The following PRR16 variants were observed in gnomAD, a reference collection of about 807,000 sequenced individuals.
PRR16 encodes protein Largen.
In PRR16, 6 loss-of-function variants were observed where a neutral mutation model predicts 18.2. That is an observed-to-expected ratio of 0.33 (90% CI 0.18 to 0.65). The LOEUF (loss-of-function observed/expected upper bound fraction) is 0.65. Among genes scored for constraint, PRR16 ranks in the 30% least tolerant of loss-of-function variants. The pLI, the probability that PRR16 is intolerant of heterozygous loss-of-function variation, is 0.74. For synonymous variants in PRR16, 151 were observed against 147.8 expected (o/e 1.02, Z -0.16); for missense variants, 412 against 376.6 (o/e 1.09, Z -0.78).
the PRR16 span, among the ~76,000 whole-genome samples, chr5:120,770,785 C>T: frequency 1.3e-5 from 2 of 152,040 alleles, no homozygotes; most frequent in East Asian, 1.9e-4. Flanking sequence ...ACTAGCTCTC[C>T]CTACTTGCCT....
At chr5:120,728,731 A>C in the PRR16 span, among the ~76,000 whole-genome samples, 13 of 152,176 alleles carry the variant, frequency 8.5e-5, no homozygotes, top group Admixed American at 8.5e-4. Flanking sequence ...AGTAACCTGC[A>C]GTCCAGGCAC....
intron 1 of PRR16, among the ~76,000 whole-genome samples, chr5:120,485,350 A>C (rs1749761367): frequency 6.6e-6 from 1 of 152,200 alleles, no homozygotes; most frequent in South Asian, 2.1e-4. Flanking sequence ...ATCCTGTTTC[A>C]GACATTTTAT....
chr5:120,707,036 T>C, the PRR16 span, among the ~76,000 whole-genome samples: 1 of 152,170 alleles, frequency 6.6e-6, no homozygotes, highest in African/African-American at 2.4e-5. Context: ...CTTCCTAGGT[T>C]GTAAAACTGG....
chr5:120,712,120 A>G, the PRR16 span, among the ~76,000 whole-genome samples: 3 of 152,156 alleles, frequency 2.0e-5, no homozygotes, highest in African/African-American at 7.2e-5. Flanking sequence ...GGTATACAAC[A>G]TGATGTTTTG....
the PRR16 span, among the ~76,000 whole-genome samples, chr5:120,702,097 AAG>A: frequency 1.3e-5 from 2 of 151,910 alleles, no homozygotes; most frequent in African/African-American, 4.8e-5. Context: ...GCCTAGAGAA[AAG>A]AGAGAGCAGA....
At chr5:120,739,706 C>CT in the PRR16 span, among the ~76,000 whole-genome samples, 1 of 152,122 alleles carries the variant, frequency 6.6e-6, no homozygotes, top group African/African-American at 2.4e-5. Context: ...AGTTTCTTTG[C>CT]TTCTTCTCTC....
At chr5:120,671,275 A>AGAG (rs1491521239) in intron 1 of PRR16, among the ~76,000 whole-genome samples, 2 of 151,898 alleles carry the variant, frequency 1.3e-5, no homozygotes, top group Non-Finnish European at 2.9e-5. Flanking sequence ...ATCAGATATC[A>AGAG]GAGTTTCTTT....
chr5:120,762,615 GC>G, the PRR16 span, among the ~76,000 whole-genome samples: 50 of 152,114 alleles, frequency 3.3e-4, no homozygotes, highest in Non-Finnish European at 6.5e-4. Flanking sequence ...CAGGTTCTTT[GC>G]CCACTTTTTA....
chr5:120,617,258 C>A, intron 1 of PRR16: 1 of 723,870 alleles, frequency 1.4e-6, no homozygotes, highest in Non-Finnish European at 1.7e-6. Flanking sequence ...TTCTAAGAAA[C>A]ATGCAAACCA....
chr5:120,636,111 C>T (rs992938711), intron 1 of PRR16, among the ~76,000 whole-genome samples: 6 of 151,936 alleles, frequency 3.9e-5, no homozygotes, highest in South Asian at 2.1e-4. Context: ...TAAAACACTG[C>T]GGAAAGAAAT....
chr5:120,791,633 A>G, the PRR16 span, among the ~76,000 whole-genome samples: 1 of 143,292 alleles, frequency 7.0e-6, no homozygotes, highest in South Asian at 2.2e-4. Flanking sequence ...CCATCCATCT[A>G]TCATCTATCT....
chr5:120,657,495 A>AT (rs1038898700), intron 1 of PRR16, among the ~76,000 whole-genome samples: 9 of 151,676 alleles, frequency 5.9e-5, no homozygotes, highest in African/African-American at 1.9e-4. Context: ...CACATTGGGG[A>AT]TTTTTTTACC....
intron 1 of PRR16, among the ~76,000 whole-genome samples, chr5:120,622,280 A>C (rs1754715696): frequency 6.6e-6 from 1 of 152,108 alleles, no homozygotes; most frequent in African/African-American, 2.4e-5. Context: ...GGAGTGAAGG[A>C]AGGAGATTCT....
At chr5:120,739,975 T>C in the PRR16 span, among the ~76,000 whole-genome samples, 1 of 152,166 alleles carries the variant, frequency 6.6e-6, no homozygotes, top group African/African-American at 2.4e-5. Flanking sequence ...CTAAAATGTT[T>C]TATGGCAAAG....
chr5:120,531,295 A>T (rs1459717250), intron 1 of PRR16, among the ~76,000 whole-genome samples: 2 of 152,076 alleles, frequency 1.3e-5, no homozygotes, highest in African/African-American at 4.8e-5. Flanking sequence ...ATGGCAAATG[A>T]CTTAAATTAT....
intron 1 of PRR16, among the ~76,000 whole-genome samples, chr5:120,631,633 T>C (rs929173310): frequency 3.7e-4 from 56 of 151,854 alleles, no homozygotes; most frequent in African/African-American, 9.7e-4. Flanking sequence ...TATAATTCCA[T>C]TGGACTGAGA....
the PRR16 span, among the ~76,000 whole-genome samples, chr5:120,761,679 G>A: frequency 6.6e-6 from 1 of 151,776 alleles, no homozygotes; most frequent in Non-Finnish European, 1.5e-5. Flanking sequence ...ATCAAGACAG[G>A]GTATTAAAGA....
chr5:120,503,096 T>A (rs1421339455), intron 1 of PRR16, among the ~76,000 whole-genome samples: 1 of 152,156 alleles, frequency 6.6e-6, no homozygotes, highest in African/African-American at 2.4e-5. Flanking sequence ...GTTAAAGACA[T>A]TGAAAGCCCT....
intron 1 of PRR16, among the ~76,000 whole-genome samples, chr5:120,597,048 A>G (rs569719141): frequency 9.5e-4 from 121 of 126,920 alleles, no homozygotes; most frequent in African/African-American, 4.7e-3. Context: ...AGGATTTTAT[A>G]TTTTTAATGT....
Sources: allele counts gnomAD v4.1 joint callset (sites outside exome capture counted in the v4.1 genomes callset), GRCh38; gene constraint gnomAD v4.1.1; transcripts MANE v1.5; gene names NCBI Gene and HGNC (gene_info 2026-07-23, HGNC 2026-07-21).